The following LARGE1 variants were observed in gnomAD, a reference collection of about 807,000 sequenced individuals.
LARGE1 encodes the protein LARGE xylosyl- and glucuronyltransferase 1, also known as xylosyl- and glucuronyltransferase LARGE1.
In LARGE1, 43 loss-of-function variants were observed where a neutral mutation model predicts 87.6. The observed-to-expected ratio is 0.49, with a 90% CI of 0.38 to 0.63. LARGE1 has a LOEUF of 0.63. Ranked by LOEUF, LARGE1 falls within the 30% of genes least tolerant of loss-of-function variation. LARGE1 has a pLI of 0.00. For synonymous variants in LARGE1, 434 were observed against 394.6 expected (o/e 1.10, Z -1.18); for missense variants, 802 against 1,000.2 (o/e 0.80, Z 2.67).
chr22:33,599,730 C>T (rs944151997), intron 5 of LARGE1, among the ~76,000 whole-genome samples: 1 of 152,172 alleles, frequency 6.6e-6, no homozygotes, highest in Non-Finnish European at 1.5e-5. Context: ...CTGAGAAATG[C>T]CATTTCCAAC....
intron 5 of LARGE1, among the ~76,000 whole-genome samples, chr22:33,578,920 A>G (rs2078430424): frequency 6.6e-6 from 1 of 152,214 alleles, no homozygotes; most frequent in African/African-American, 2.4e-5. Context: ...AGAGTCATAC[A>G]CCTTCTCAGA....
chr22:33,664,380 T>C (rs193011327), intron 2 of LARGE1, among the ~76,000 whole-genome samples: 1 of 152,340 alleles, frequency 6.6e-6, no homozygotes, highest in Admixed American at 6.5e-5. Context: ...ATGTCCCACA[T>C]GTATGTCATT....
intron 6 of LARGE1, among the ~76,000 whole-genome samples, chr22:33,487,939 G>A (rs2069659077): frequency 6.6e-6 from 1 of 152,206 alleles, no homozygotes; most frequent in Admixed American, 6.5e-5. Context: ...GCCAGGCAGT[G>A]TGTGAAGCAG....
intron 2 of LARGE1, among the ~76,000 whole-genome samples, chr22:33,695,112 T>C (rs2099972318): frequency 6.6e-6 from 1 of 150,952 alleles, no homozygotes. Flanking sequence ...TTCTTTCTTT[T>C]TTTTTTTTTT....
intron 9 of LARGE1, among the ~76,000 whole-genome samples, chr22:33,368,887 A>C (rs1342250993): frequency 6.6e-6 from 1 of 152,224 alleles, no homozygotes; most frequent in Admixed American, 6.5e-5. Context: ...AAAAATGTTA[A>C]TGATCACCTG....
At chr22:33,745,732 T>C (rs2084056536) in intron 2 of LARGE1, among the ~76,000 whole-genome samples, 1 of 152,126 alleles carries the variant, frequency 6.6e-6, no homozygotes, top group South Asian at 2.1e-4. Context: ...CCAAGGCAAC[T>C]GGCACAGGAT....
intron 6 of LARGE1, among the ~76,000 whole-genome samples, chr22:33,471,975 G>A (rs368086701): frequency 1.8e-4 from 27 of 152,214 alleles, no homozygotes; most frequent in African/African-American, 5.5e-4. Flanking sequence ...GTTTGAACCC[G>A]GGAGGTGGAG....
intron 6 of LARGE1, among the ~76,000 whole-genome samples, chr22:33,468,920 T>C (rs8142385): frequency 6.6e-6 from 1 of 152,162 alleles, no homozygotes; most frequent in South Asian, 2.1e-4. Flanking sequence ...ACTTATACCA[T>C]TGCCAGGTCA....
chr22:33,600,546 T>C lies in LARGE1; in HGVS notation c.615+3889A>G, dbSNP rs577901459. Among the ~76,000 whole-genome samples the C allele has an allele frequency of 2.6e-5, 4 of 152,230 alleles. No individual in the cohort carries two copies. The South Asian group carries it at 8.3e-4, about 32-fold the overall frequency. On this transcript the variant is annotated intron_variant, in intron 5 of 14. Transcript: ENST00000397394. Reference sequence around the variant, plus strand: ...CAGGGAAAGTTTCCCTGAGTACACGTAACTTTAGCAAAAGAACTTGTTATT... The same window carrying C: ...CAGGGAAAGTTTCCCTGAGTACACGCAACTTTAGCAAAAGAACTTGTTATT...
At chr22:33,316,288 G>C (rs1425993942) in intron 10 of LARGE1, 40 bp from the exon 11 acceptor site, 1 of 1,603,828 alleles carries the variant, frequency 6.2e-7, no homozygotes, top group Non-Finnish European at 8.5e-7. Context: ...GTGAAGAAGA[G>C]GTCCGAGGGG....
the LARGE1 span, among the ~76,000 whole-genome samples, chr22:33,121,479 T>C: frequency 6.6e-6 from 1 of 152,222 alleles, no homozygotes; most frequent in Non-Finnish European, 1.5e-5. Context: ...GGTTTTGATA[T>C]GATCCCAAAC....
At chr22:33,226,332 C>T (rs5754489) in intron 11 of LARGE1, among the ~76,000 whole-genome samples, 3,781 of 152,290 alleles carry the variant, frequency 0.025, 55 homozygotes, top group African/African-American at 0.034. Flanking sequence ...GTAGTAGAAC[C>T]GAAGTTCTTC....
At chr22:33,539,844 C>T (rs1038695222) in intron 6 of LARGE1, among the ~76,000 whole-genome samples, 4 of 152,034 alleles carry the variant, frequency 2.6e-5, no homozygotes, top group African/African-American at 4.8e-5. Context: ...CCTCCCAAAG[C>T]GCTGGGATTA....
chr22:33,472,668 G>A (rs982599726), intron 6 of LARGE1, among the ~76,000 whole-genome samples: 6 of 152,150 alleles, frequency 3.9e-5, no homozygotes, highest in African/African-American at 1.4e-4. Context: ...TGAAAAAGAC[G>A]TCAATAAGCA....
At chr22:33,496,603 C>T (rs1602111901) in intron 6 of LARGE1, among the ~76,000 whole-genome samples, 1 of 152,118 alleles carries the variant, frequency 6.6e-6, no homozygotes. Flanking sequence ...ATGACCCGTT[C>T]TGTTTACGCT....
At chr22:33,776,589 T>C (rs368288995) in intron 1 of LARGE1, among the ~76,000 whole-genome samples, 3 of 152,278 alleles carry the variant, frequency 2.0e-5, no homozygotes, top group Admixed American at 6.5e-5. Context: ...AGTATTTCGA[T>C]CTTTGTTCTT....
At chr22:33,164,444 CCAGTGAAAATATA>C (rs1922155072) in exon 12 of LARGE1, 2 of 151,384 alleles carry the variant, frequency 1.3e-5, no homozygotes, top group South Asian at 4.2e-4. Context: ...TATCCATAAA[CCAGTGAAAATATA>C]CAGGTGTTTC....
intron 6 of LARGE1, among the ~76,000 whole-genome samples, chr22:33,533,496 G>A (rs1275978039): frequency 6.6e-6 from 1 of 152,158 alleles, no homozygotes; most frequent in Non-Finnish European, 1.5e-5. Context: ...GAGGCGATGA[G>A]GCTAATAGAA....
chr22:33,486,407 T>A (rs2069576172), intron 6 of LARGE1, among the ~76,000 whole-genome samples: 1 of 152,190 alleles, frequency 6.6e-6, no homozygotes, highest in Non-Finnish European at 1.5e-5. Flanking sequence ...GCTTTCTCAT[T>A]AAGTTTATCA....
Sources: gnomAD v4.1 joint callset for allele counts (sites outside exome capture counted in the v4.1 genomes callset) on GRCh38, gnomAD v4.1.1 for gene constraint, MANE v1.5 for transcripts, NCBI Gene and HGNC (gene_info 2026-07-23, HGNC 2026-07-21) for gene names.